Variants in GNAT3 observed in about 807,000 individuals in gnomAD.
GNAT3 encodes guanine nucleotide-binding protein G(t) subunit alpha-3.
GNAT3 carries 31 observed loss-of-function variants against 37.7 expected under a neutral mutation model. That is an observed-to-expected ratio of 0.82 (90% CI 0.62 to 1.11). The LOEUF is 1.11. GNAT3 is among the 50% of genes most tolerant of loss of function. GNAT3 has a pLI of 0.00. For missense variants in GNAT3, 437 were observed against 412.5 expected, an observed-to-expected ratio of 1.06 and a Z score of -0.51; for synonymous variants, 138 against 139.8, an observed-to-expected ratio of 0.99 and a Z score of 0.09.
At chr7:80,497,649 C>CGTATATGCATATAT (rs1790755898) in intron 1 of GNAT3, among the ~76,000 whole-genome samples, 1 of 114,536 alleles carries the variant, frequency 8.7e-6, no homozygotes, top group Admixed American at 7.9e-5. Context: ...TATACATATA[C>CGTATATGCATATAT]GTATATACAT....
Position 80,492,535 on chromosome 7 carries a change from A to G in GNAT3, c.161+2070T>C, listed in dbSNP as rs564631064. ...GAATGAATAGTCCTGTAACTTTGCA[A>G]CCTAATTGCTTATGTTTTATTTTAA... On this transcript the variant is annotated intron_variant, in intron 2 of 7. Transcript: ENST00000398291. 4.6e-5 allele frequency among the ~76,000 whole-genome samples: 7 copies of G among 151,830 alleles called. No individual in the cohort carries two copies. In the South Asian group the frequency reaches 1.5e-3, roughly 32 times the overall value.
chr7:80,486,216 C>T (rs1421326484), intron 3 of GNAT3, among the ~76,000 whole-genome samples: 1 of 152,082 alleles, frequency 6.6e-6, no homozygotes, highest in Non-Finnish European at 1.5e-5. Context: ...TGAACTATGT[C>T]GTGCCTGACA....
intron 5 of GNAT3, among the ~76,000 whole-genome samples, chr7:80,467,774 C>T (rs904103255): frequency 5.3e-5 from 8 of 151,940 alleles, no homozygotes; most frequent in Admixed American, 1.3e-4. Flanking sequence ...ATTTGCTGCC[C>T]GGAGTTTTGG....
At chr7:80,499,879 A>T (rs549999111) in intron 1 of GNAT3, among the ~76,000 whole-genome samples, 2 of 152,282 alleles carry the variant, frequency 1.3e-5, no homozygotes, top group South Asian at 4.1e-4. Flanking sequence ...ACTTGGGAGG[A>T]TTAGATCACA....
At chr7:80,479,850 A>G (rs926060185) in intron 3 of GNAT3, among the ~76,000 whole-genome samples, 1 of 152,036 alleles carries the variant, frequency 6.6e-6, no homozygotes, top group Non-Finnish European at 1.5e-5. Flanking sequence ...AATGGTAAAC[A>G]TTTGGATCCA....
intron 3 of GNAT3, among the ~76,000 whole-genome samples, chr7:80,488,280 A>G (rs1291559523): frequency 6.6e-6 from 1 of 152,128 alleles, no homozygotes; most frequent in East Asian, 1.9e-4. Flanking sequence ...TTTATTTGTT[A>G]TGGTGTATTA....
At position 80,494,586 on chromosome 7, in the gene GNAT3, G is replaced by C. The variant is rs552392716; in HGVS notation, c.161+19C>G. Reference sequence around the variant, plus strand: ...GACAGACATCAAATATTAAACACTTGAGACAGATGTATACCTACTTCATTT... The same window carrying C: ...GACAGACATCAAATATTAAACACTTCAGACAGATGTATACCTACTTCATTT... On this transcript the variant is annotated intron_variant, in intron 2 of 7. Transcript: ENST00000398291. 4 of 1,374,912 alleles carry C rather than the reference G, an allele frequency of 2.9e-6. No homozygotes were observed. In the East Asian group the frequency reaches 7.2e-5, roughly 25 times the overall value. 85.2% of individuals were successfully genotyped at this position (1,374,912 alleles called of 1,614,324 possible). A position where few individuals can be genotyped will look rare whatever the true frequency, so the allele number is the denominator to read the frequency against.
intron 2 of GNAT3, among the ~76,000 whole-genome samples, chr7:80,492,933 C>A (rs1562729996): frequency 1.3e-5 from 2 of 151,808 alleles, no homozygotes; most frequent in East Asian, 3.9e-4. Context: ...AATACATTAT[C>A]TATTGAATTT....
chr7:80,477,004 T>C (rs1790315646), intron 4 of GNAT3, among the ~76,000 whole-genome samples: 1 of 152,110 alleles, frequency 6.6e-6, no homozygotes, highest in Admixed American at 6.6e-5. Flanking sequence ...ATGGGCAACA[T>C]TTACAAAATG....
chr7:80,480,404 C>T (rs188688017), intron 3 of GNAT3, among the ~76,000 whole-genome samples: 12 of 152,022 alleles, frequency 7.9e-5, no homozygotes, highest in South Asian at 6.2e-4. Flanking sequence ...CAAATACAAG[C>T]GCATTTTGTG....
Position 80,462,605 on chromosome 7 carries a change from G to T in GNAT3, c.617C>A (p.Ser206Tyr). Reference sequence around the variant, plus strand: ...GCAGTGAATCCACTTCTTTCTCTCAGATCTCTGTCCACCTACATCAAACAT... The same window carrying T: ...GCAGTGAATCCACTTCTTTCTCTCATATCTCTGTCCACCTACATCAAACAT... The part of the protein sequence containing the change: ...FRMFDVGGQR[S>Y]ERKKWIHCFE... Residue 206 changes from serine to tyrosine, a missense_variant, in exon 6 of 8, where the codon TCT (serine) becomes TAT (tyrosine). Physicochemically the swap from Ser to Tyr is moderately radical, Grantham distance 144. Coordinates refer to ENST00000398291, the MANE Select transcript of GNAT3 (RefSeq NM_001102386.3). The T allele has an allele frequency of 6.2e-7, 1 of 1,611,896 alleles. No individual in the cohort carries two copies. Among genetic ancestry groups the T allele is most frequent in the Non-Finnish European group, 8.5e-7 (1 of 1,178,498 alleles).
chr7:80,470,176 G>A (rs931667397), intron 5 of GNAT3, among the ~76,000 whole-genome samples: 1 of 151,812 alleles, frequency 6.6e-6, no homozygotes, highest in Non-Finnish European at 1.5e-5. Context: ...ACCTGTTTTA[G>A]TATATAGCGA....
At chr7:80,478,777 C>A in intron 4 of GNAT3, 64 bp downstream of exon 4, 1 of 1,476,532 alleles carries the variant, frequency 6.8e-7, no homozygotes, top group Non-Finnish European at 9.3e-7. Flanking sequence ...GCAAAGTATG[C>A]AGAATTATAA....
chr7:80,492,988 A>G (rs1361339074), intron 2 of GNAT3, among the ~76,000 whole-genome samples: 2 of 151,974 alleles, frequency 1.3e-5, no homozygotes, highest in Non-Finnish European at 2.9e-5. Context: ...CCATTTATGT[A>G]TATTGGGAAG....
intron 3 of GNAT3, 88 bp downstream of exon 3, chr7:80,488,447 G>T: frequency 2.0e-6 from 2 of 982,262 alleles, no homozygotes; most frequent in Middle Eastern, 2.2e-4. Flanking sequence ...TTTGGATATA[G>T]ATTAATACTA....
At chr7:80,504,938 A>AT (rs1473592428) in intron 1 of GNAT3, among the ~76,000 whole-genome samples, 26 of 152,224 alleles carry the variant, frequency 1.7e-4, no homozygotes, top group African/African-American at 6.3e-4. Context: ...TAAAATAATT[A>AT]TTGGCCCAGC....
intron 1 of GNAT3, among the ~76,000 whole-genome samples, chr7:80,497,594 G>GTATATACATATACA (rs1562732837): frequency 7.6e-6 from 1 of 130,954 alleles, no homozygotes; most frequent in East Asian, 2.5e-4. Context: ...ATACATATAC[G>GTATATACATATACA]TATATACATA....
intron 3 of GNAT3, among the ~76,000 whole-genome samples, chr7:80,485,218 C>T (rs1374715355): frequency 6.6e-6 from 1 of 151,576 alleles, no homozygotes; most frequent in Non-Finnish European, 1.5e-5. Context: ...CCCTAATACC[C>T]TTCCCTTCTT....
intron 7 of GNAT3, among the ~76,000 whole-genome samples, chr7:80,459,803 C>A (rs1367766541): frequency 6.6e-5 from 10 of 152,238 alleles, no homozygotes; most frequent in African/African-American, 2.4e-4. Context: ...AGCTTTAAAG[C>A]CATATAACAT....
Sources: gnomAD v4.1 joint callset for allele counts (sites outside exome capture counted in the v4.1 genomes callset) on GRCh38, gnomAD v4.1.1 for gene constraint, MANE v1.5 for transcripts, NCBI Gene and HGNC (gene_info 2026-07-23, HGNC 2026-07-21) for gene names.